The following DZIP3 variants were observed in gnomAD, a reference collection of about 807,000 sequenced individuals.
The protein encoded by DZIP3 is E3 ubiquitin-protein ligase DZIP3.
DZIP3 carries 118 observed loss-of-function variants against 162.0 expected under a neutral mutation model. The ratio of observed to expected loss-of-function variants is 0.73; its 90% CI spans 0.63 to 0.85. The LOEUF is 0.85. Among genes scored for constraint, DZIP3 ranks in the 40% least tolerant of loss-of-function variants. DZIP3 has a pLI of 0.00. For missense variants in DZIP3, 1,331 were observed against 1,407.0 expected, an observed-to-expected ratio of 0.95 and a Z score of 0.86; for synonymous variants, 438 against 458.6, an observed-to-expected ratio of 0.96 and a Z score of 0.57.
intron 21 of DZIP3, 113 bp from the exon 22 acceptor site, chr3:108,669,568 T>TCA (rs1943842921): frequency 2.7e-5 from 22 of 824,618 alleles, no homozygotes; most frequent in Middle Eastern, 3.7e-4. Flanking sequence ...TCAAGATTTG[T>TCA]GGCCCCAAAT....
Position 108,683,334 on chromosome 3 carries a change from G to A in DZIP3, c.2884-882G>A, listed in dbSNP as rs945195183. ...TAGCAATCACATAATGTTCTTTTAA[G>A]ATGTTAAAACTCAAATGCCAGTCCA... On this transcript the variant is annotated intron_variant, in intron 26 of 32. Transcript: ENST00000361582. 4.2e-5 allele frequency among the ~76,000 whole-genome samples: 6 copies of A among 143,978 alleles called. 1 individual carries two copies. Among genetic ancestry groups the A allele is most frequent in the African/African-American group, 1.5e-4 (5 of 33,790 alleles). The allele number at this position is 143,978 out of a possible 152,430, so 94.5% of individuals were successfully genotyped here. A position where few individuals can be genotyped will look rare whatever the true frequency, so the allele number is the denominator to read the frequency against.
At chr3:108,632,895 TGTG>T in intron 8 of DZIP3, 55 bp from the exon 9 acceptor site, 1 of 1,063,822 alleles carries the variant, frequency 9.4e-7, no homozygotes, top group South Asian at 2.9e-5. Context: ...TAGTCTTAAT[TGTG>T]GTGTTAATTT....
At chr3:108,639,243 T>C (rs1374279706) in intron 12 of DZIP3, among the ~76,000 whole-genome samples, 1 of 152,258 alleles carries the variant, frequency 6.6e-6, no homozygotes, top group Non-Finnish European at 1.5e-5. Flanking sequence ...AAGAACTTTA[T>C]CTTGTTTTCT....
intron 1 of DZIP3, among the ~76,000 whole-genome samples, chr3:108,601,258 TGTGTGG>T (rs1226064181): frequency 2.6e-5 from 4 of 152,042 alleles, no homozygotes; most frequent in African/African-American, 7.2e-5. Context: ...GGTGTGTGGA[TGTGTGG>T]GTGTGGGTGT....
chr3:108,638,851 G>T (rs1942269525), intron 12 of DZIP3, among the ~76,000 whole-genome samples: 1 of 152,086 alleles, frequency 6.6e-6, no homozygotes, highest in East Asian at 1.9e-4. Context: ...GCTTCTCATT[G>T]CTCTTAAAAT....
intron 2 of DZIP3, 101 bp from the exon 3 acceptor site, chr3:108,607,988 A>G (rs1576351239): frequency 9.8e-7 from 1 of 1,022,800 alleles, no homozygotes; most frequent in East Asian, 2.4e-5. Flanking sequence ...CATTTTGGTT[A>G]CACTTTCAGA....
Position 108,644,549 on chromosome 3 carries a change from G to A in DZIP3, c.1527G>A (p.Arg509=). The change falls in exon 14 of 33, where the codon AGG becomes AGA. Residue 509 remains arginine (R), a synonymous_variant. Coordinates refer to ENST00000361582, the MANE Select transcript of DZIP3 (RefSeq NM_014648.4). ...ACATCCTGAGACTGTGCAAATACAG[G>A]GATATCCTCCTTAGTGAGATTTTGA... is the stretch of plus-strand genomic sequence containing the variant. ...SADILRLCKY[R]DILLSEILMN... 1.2e-6 allele frequency: 2 copies of A among 1,614,062 alleles called. No individual in the cohort carries two copies. Among genetic ancestry groups the A allele is most frequent in the South Asian group, 1.1e-5 (1 of 91,088 alleles).
At chr3:108,684,833 T>C (rs539609734) in intron 27 of DZIP3, among the ~76,000 whole-genome samples, 1 of 152,288 alleles carries the variant, frequency 6.6e-6, no homozygotes, top group African/African-American at 2.4e-5. Flanking sequence ...TGTAAAGTTA[T>C]AAATCTTCCC....
chr3:108,660,259 G>C lies in DZIP3; in HGVS notation c.2200-1618G>C, dbSNP rs567755516. 4.4e-3 allele frequency among the ~76,000 whole-genome samples: 664 copies of C among 152,088 alleles called. 2 individuals carry two copies. Among genetic ancestry groups the C allele is most frequent in the African/African-American group, 0.014 (569 of 41,442 alleles). On this transcript the variant is annotated intron_variant, in intron 19 of 32. Coordinates refer to ENST00000361582, the MANE Select transcript of DZIP3 (RefSeq NM_014648.4). Reference sequence around the variant, plus strand: ...AAGTATACTACAAGGCTACAGTAACGAAAACAGCATGGTACTGGTACCAAA... The same window carrying C: ...AAGTATACTACAAGGCTACAGTAACCAAAACAGCATGGTACTGGTACCAAA...
chr3:108,668,774 A>T (rs1489597100), intron 21 of DZIP3, among the ~76,000 whole-genome samples: 1 of 151,954 alleles, frequency 6.6e-6, no homozygotes, highest in Admixed American at 6.6e-5. Flanking sequence ...ATAAAGGTGA[A>T]TGGGTAGTCT....
At chr3:108,631,055 A>ACACACACTCTCTCTCTCTCTCTCTCTCT in intron 8 of DZIP3, among the ~76,000 whole-genome samples, 4 of 18,010 alleles carry the variant, frequency 2.2e-4, no homozygotes, top group African/African-American at 5.6e-4. Context: ...ACACACACAC[A>ACACACACTCTCTCTCTCTCTCTCTCTCT]CTCTCTCTCT....
intron 7 of DZIP3, 140 bp downstream of exon 7, chr3:108,626,109 GA>G: frequency 1.0e-6 from 1 of 997,996 alleles, no homozygotes; most frequent in Non-Finnish European, 1.4e-6. Context: ...TATTTGTATA[GA>G]TAATTTCTTT....
chr3:108,656,930 A>G (rs1439229269), intron 19 of DZIP3, among the ~76,000 whole-genome samples: 6 of 152,206 alleles, frequency 3.9e-5, no homozygotes, highest in African/African-American at 1.4e-4. Context: ...TGAGAAGTTT[A>G]GAGAAAAAAG....
chr3:108,677,842 AT>A (rs546741462), intron 26 of DZIP3, among the ~76,000 whole-genome samples: 258 of 152,062 alleles, frequency 1.7e-3, no homozygotes, highest in Non-Finnish European at 3.0e-3. Context: ...ATAGAGTAAT[AT>A]TTTCTCATTC....
intron 26 of DZIP3, among the ~76,000 whole-genome samples, chr3:108,681,345 G>T (rs533266921): frequency 1.3e-5 from 2 of 152,136 alleles, no homozygotes; most frequent in Non-Finnish European, 2.9e-5. Flanking sequence ...ATCATCACTG[G>T]TTATTAGAGA....
intron 7 of DZIP3, among the ~76,000 whole-genome samples, chr3:108,628,496 A>G (rs1312035807): frequency 6.6e-6 from 1 of 152,144 alleles, no homozygotes; most frequent in Non-Finnish European, 1.5e-5. Context: ...CTTCATTTTC[A>G]GCATAGTCTG....
Position 108,684,303 on chromosome 3 carries a change from G to T in DZIP3, c.2971G>T (p.Gly991Ter). The change falls in exon 27 of 33, where the codon GGA (glycine) becomes TGA (stop). Residue 991 changes from glycine (G) to a stop codon, truncating the protein, a stop_gained. Transcript: ENST00000361582. LOFTEE classifies it high-confidence loss of function. ...TCCTCAAATGCCTGCAGTTTGCCCG[G>T]GAGTCGTCTCTGCAACTGGCCAACC... ...TVPQMPAVCP[G>*]VVSATGQPRA... The T allele has an allele frequency of 6.2e-7, 1 of 1,612,794 alleles. No individual in the cohort carries two copies. The highest frequency in any genetic ancestry group is 1.7e-5 in the Admixed American group (1 of 59,888).
chr3:108,592,730 T>A (rs1043019170), intron 1 of DZIP3, among the ~76,000 whole-genome samples: 7 of 151,632 alleles, frequency 4.6e-5, no homozygotes, highest in African/African-American at 1.7e-4. Context: ...AAAAAAGTAT[T>A]CAGGTTATAT....
At chr3:108,672,459 T>C (rs559921615) in intron 22 of DZIP3, 101 bp from the exon 23 acceptor site, 1 of 965,112 alleles carries the variant, frequency 1.0e-6, no homozygotes, top group South Asian at 1.5e-5. Context: ...CAAGAAATAA[T>C]TTCCTACTGA....
Sources: allele counts gnomAD v4.1 joint callset (sites outside exome capture counted in the v4.1 genomes callset), GRCh38; gene constraint gnomAD v4.1.1; transcripts MANE v1.5; gene names NCBI Gene and HGNC (gene_info 2026-07-23, HGNC 2026-07-21).